Variants in RBM19 observed in about 807,000 individuals in gnomAD.
RBM19 encodes probable RNA-binding protein 19.
Under a neutral mutation model 116.8 loss-of-function variants are expected in RBM19, and 94 were observed. That is an observed-to-expected ratio of 0.80 (90% confidence interval 0.68 to 0.95). The LOEUF (loss-of-function observed/expected upper bound fraction) is 0.95, where lower values mean the gene tolerates loss of function less well. Ranked by LOEUF, RBM19 falls within the 40% of genes least tolerant of loss-of-function variation. The pLI, the probability that RBM19 is intolerant of heterozygous loss-of-function variation, is 0.00. For synonymous variants in RBM19, 475 were observed against 494.1 expected, an observed-to-expected ratio of 0.96 and a Z score of 0.51; for missense variants, 1,161 against 1,220.7, an observed-to-expected ratio of 0.95 and a Z score of 0.73.
intron 13 of RBM19, among the ~76,000 whole-genome samples, chr12:113,944,632 T>C (rs1213978288): frequency 6.6e-6 from 1 of 151,984 alleles, no homozygotes; most frequent in Non-Finnish European, 1.5e-5. Flanking sequence ...ACCCCATCTC[T>C]GCAAAACTAA....
chr12:113,957,870 G>T lies in RBM19; in HGVS notation c.752C>A (p.Pro251Gln). 2 of 1,614,128 alleles carry T rather than the reference G, an allele frequency of 1.2e-6. No individual in the cohort carries two copies. Among genetic ancestry groups the T allele is most frequent in the Non-Finnish European group, 1.7e-6 (2 of 1,179,998 alleles). Reference protein sequence around the residue: ...EAEEEDSSATPVLQERDSKGA... With the variant: ...EAEEEDSSATQVLQERDSKGA... ...CTTGCTGTCTCTTTCCTGCAGGACT[G>T]GGGTGGCGGAGGAATCCTCTTCCTC... Residue 251 changes from proline to glutamine, a missense_variant, in exon 6 of 24, where the codon CCA becomes CAA. Pro to Gln is a moderately conservative substitution (Grantham distance 76, BLOSUM62 -1). Coordinates refer to ENST00000261741, the MANE Select transcript of RBM19 (RefSeq NM_016196.4).
chr12:113,920,580 C>T lies in RBM19; in HGVS notation c.2385+31G>A, dbSNP rs371795808. ...CCTCCCACTACCTGCCAAGTGCCTC[C>T]GTGGCCCTCAGCTGAGAATCTTCAC... On this transcript the variant is annotated intron_variant, in intron 19 of 23. Transcript: ENST00000261741. 9.5e-5 allele frequency: 151 copies of T among 1,594,824 alleles called. No homozygotes were observed. The South Asian group carries it at 1.1e-3, about 11-fold the overall frequency.
intron 8 of RBM19, 144 bp downstream of exon 8, chr12:113,952,368 C>T (rs960400990): frequency 1.0e-5 from 7 of 699,368 alleles, no homozygotes; most frequent in Non-Finnish European, 1.7e-5. Context: ...CTTAACCTGC[C>T]CAGGCTGACC....
At chr12:113,949,529 T>G (rs772455617) in intron 9 of RBM19, among the ~76,000 whole-genome samples, 35 of 152,296 alleles carry the variant, frequency 2.3e-4, no homozygotes, top group Non-Finnish European at 5.0e-4. Flanking sequence ...AGGCTCTCCA[T>G]CCTTCTCTAA....
chr12:113,907,886 C>G (rs144641772), intron 21 of RBM19, among the ~76,000 whole-genome samples: 14 of 152,274 alleles, frequency 9.2e-5, no homozygotes, highest in African/African-American at 2.4e-4. Context: ...AACTCTGCTG[C>G]GGAAGCCCCA....
At chr12:113,918,629 A>G (rs1477105228) in intron 19 of RBM19, among the ~76,000 whole-genome samples, 182 bp from the exon 20 acceptor site, 2 of 152,238 alleles carry the variant, frequency 1.3e-5, no homozygotes, top group Non-Finnish European at 2.9e-5. Context: ...CACCGTGCCC[A>G]GGCAGCAGCT....
rs567314583 is a variant in RBM19 at position 113,858,449 on chromosome 12, A to G, written c.2664+342T>C. On this transcript the variant is annotated intron_variant, in intron 22 of 23. Coordinates refer to ENST00000261741, the MANE Select transcript of RBM19 (RefSeq NM_016196.4). Reference sequence around the variant, plus strand: ...TGCACTGTTCTGCGTGGCATTTCCCATACTGCCTACCCCAGGGGGCCACCT... The same window carrying G: ...TGCACTGTTCTGCGTGGCATTTCCCGTACTGCCTACCCCAGGGGGCCACCT... 5.3e-5 allele frequency among the ~76,000 whole-genome samples: 8 copies of G among 152,262 alleles called. No individual in the cohort carries two copies. In the East Asian group the frequency reaches 1.4e-3, roughly 26 times the overall value.
intron 17 of RBM19, among the ~76,000 whole-genome samples, chr12:113,925,560 T>C (rs1375759791): frequency 6.6e-6 from 1 of 152,220 alleles, no homozygotes; most frequent in Non-Finnish European, 1.5e-5. Context: ...CCAGGTAGAC[T>C]GATCGCTACG....
chr12:113,890,333 C>G (rs1565999242), intron 21 of RBM19, among the ~76,000 whole-genome samples: 1 of 152,282 alleles, frequency 6.6e-6, no homozygotes, highest in East Asian at 1.9e-4. Flanking sequence ...CCTGGCACCC[C>G]CTTTCCTCCC....
chr12:113,920,753 G>C, intron 18 of RBM19, 63 bp from the exon 19 acceptor site: 1 of 1,416,976 alleles, frequency 7.1e-7, no homozygotes, highest in Non-Finnish European at 1.0e-6. Flanking sequence ...CAAGTGCAAG[G>C]GCTGTGACGG....
intron 23 of RBM19, among the ~76,000 whole-genome samples, chr12:113,837,026 C>T (rs1876002483): frequency 7.2e-6 from 1 of 139,632 alleles, no homozygotes. Context: ...CACACACACA[C>T]ACACACGTCC....
chr12:113,851,382 CA>C (rs1274600160), intron 22 of RBM19, among the ~76,000 whole-genome samples: 4 of 152,168 alleles, frequency 2.6e-5, no homozygotes, highest in Non-Finnish European at 5.9e-5. Context: ...GACGAGGAGA[CA>C]AAAGTGGGAC....
intron 21 of RBM19, among the ~76,000 whole-genome samples, chr12:113,881,518 C>T (rs992420060): frequency 6.6e-5 from 10 of 152,196 alleles, no homozygotes; most frequent in African/African-American, 1.4e-4. Flanking sequence ...CTACACCAAA[C>T]GTTGTCTTCC....
intron 23 of RBM19, among the ~76,000 whole-genome samples, chr12:113,823,803 G>A (rs1874625993): frequency 6.6e-6 from 1 of 152,128 alleles, no homozygotes; most frequent in Non-Finnish European, 1.5e-5. Flanking sequence ...CAGAGAGGCT[G>A]GACCAAGCAG....
Position 113,823,156 on chromosome 12 carries a change from A to C in RBM19, c.*68T>G. 2 of 1,129,102 alleles carry C rather than the reference A, an allele frequency of 1.8e-6. No homozygotes were observed. Among genetic ancestry groups the C allele is most frequent in the Non-Finnish European group, 2.6e-6 (2 of 772,124 alleles). The allele number at this position is 1,129,102 out of a possible 1,614,324, so 69.9% of individuals were successfully genotyped here. A position where few individuals can be genotyped will look rare whatever the true frequency, so the allele number is the denominator to read the frequency against. The stretch of plus-strand genomic sequence containing the variant: ...CCGCCCCCCAGCCCACATGGTGGTG[A>C]GTGCAGAAGCTGGAGCGGCTGTCCC... On this transcript the variant is annotated 3_prime_UTR_variant, in exon 24 of 24. Coordinates refer to ENST00000261741, the MANE Select transcript of RBM19 (RefSeq NM_016196.4).
intron 13 of RBM19, among the ~76,000 whole-genome samples, chr12:113,944,116 T>G (rs4996068): frequency 0.046 from 4,480 of 97,808 alleles, 40 homozygotes; most frequent in Non-Finnish European, 0.068. Context: ...TTTTTTTTTT[T>G]TGGGGCAGAC....
intron 20 of RBM19, among the ~76,000 whole-genome samples, chr12:113,915,539 C>T (rs1408018266): frequency 3.3e-5 from 5 of 152,188 alleles, no homozygotes; most frequent in African/African-American, 1.2e-4. Flanking sequence ...ACACTCTCAG[C>T]CCAGGTTCAA....
intron 20 of RBM19, 152 bp from the exon 21 acceptor site, chr12:113,915,237 C>T (rs753852862): frequency 2.3e-5 from 16 of 682,166 alleles, no homozygotes; most frequent in Non-Finnish European, 3.7e-5. Context: ...AGAGGAAGGC[C>T]GTCTCCCACC....
At chr12:113,828,823 C>T (rs528785528) in intron 23 of RBM19, among the ~76,000 whole-genome samples, 17 of 152,322 alleles carry the variant, frequency 1.1e-4, no homozygotes, top group Admixed American at 1.0e-3. Flanking sequence ...GGCTTCATAT[C>T]TTGCAGCCCC....
Sources: allele counts gnomAD v4.1 joint callset (sites outside exome capture counted in the v4.1 genomes callset), GRCh38; gene constraint gnomAD v4.1.1; transcripts MANE v1.5; gene names NCBI Gene and HGNC (gene_info 2026-07-23, HGNC 2026-07-21).